Variants in ARL10 observed in about 807,000 individuals in gnomAD.
ARL10 encodes ARF like GTPase 10.
A neutral mutation model predicts 26.1 loss-of-function variants in ARL10; 23 were observed. That is an observed-to-expected ratio of 0.88 (90% CI 0.63 to 1.25). The LOEUF (loss-of-function observed/expected upper bound fraction) is 1.25, where lower values mean the gene tolerates loss of function less well. Ranked by LOEUF, ARL10 falls within the 50% of genes most tolerant of loss-of-function variation. The pLI is 0.00. For missense variants in ARL10, 300 were observed against 323.6 expected (o/e 0.93, Z 0.56); for synonymous variants, 138 against 149.1 (o/e 0.93, Z 0.54).
chr5:176,407,246 C>T, the ARL10 span, among the ~76,000 whole-genome samples: 4 of 152,290 alleles, frequency 2.6e-5, no homozygotes, highest in African/African-American at 9.6e-5. Context: ...CACCACTTCA[C>T]CTCTCTGAGC....
chr5:176,384,458 G>T, downstream of ARL10: 1 of 1,371,256 alleles, frequency 7.3e-7, no homozygotes, highest in Non-Finnish European at 1.0e-6. Context: ...CAAGCCACTT[G>T]CTATCTATCC....
downstream of ARL10, chr5:176,406,701 T>C: frequency 7.8e-7 from 1 of 1,285,930 alleles, no homozygotes. Flanking sequence ...CCGCTGGTGG[T>C]GCACGGGCTG....
At chr5:176,406,660 G>A (rs967018000), downstream of ARL10, 7 of 1,289,222 alleles carry the variant, frequency 5.4e-6, no homozygotes, top group African/African-American at 9.1e-5. Flanking sequence ...TCGTCCTTAG[G>A]CTGTATTGGC....
chr5:176,388,772 G>C (rs774898452), downstream of ARL10: 2 of 1,596,006 alleles, frequency 1.3e-6, no homozygotes, highest in South Asian at 2.2e-5. Context: ...CCTTCACCGG[G>C]AGGCTGAGGT....
At chr5:176,388,554 C>A (rs774094666) in exon 2 of ARL10, 5 of 1,601,002 alleles carry the variant, frequency 3.1e-6, no homozygotes, top group East Asian at 2.2e-5. Flanking sequence ...CTGACCACCG[C>A]ACCAGCAGCT....
rs1035800504 is a variant in ARL10, at chr5:176,374,516, A to G, written c.*2621A>G. On this transcript the variant is annotated 3_prime_UTR_variant, in exon 4 of 4. Transcript: ENST00000310389. The stretch of plus-strand genomic sequence containing the variant: ...GATGGCTATCAGGAGTGTAATACCA[A>G]GAAACTGGAATGCATCCCTTAATAT... 6.6e-6 allele frequency: 1 copy of G among 152,238 alleles called. No homozygotes were observed. The highest frequency in any genetic ancestry group is 1.5e-5 in the Non-Finnish European group (1 of 68,044). The allele number at this position is 152,238 out of a possible 1,614,324, so 9.4% of individuals were successfully genotyped here.
downstream of ARL10, chr5:176,392,979 G>A: frequency 6.2e-7 from 1 of 1,612,900 alleles, no homozygotes; most frequent in South Asian, 1.1e-5. This position sits in a 1 kb window ranked among gnomAD's most constrained non-coding sequence, Gnocchi z 5.2. Context: ...TTTTATAGCA[G>A]TCTGCTTTCC....
chr5:176,370,936 C>T (rs1386205727), intron 3 of ARL10, among the ~76,000 whole-genome samples: 1 of 152,222 alleles, frequency 6.6e-6, no homozygotes, highest in Non-Finnish European at 1.5e-5. Context: ...TGAGTTGGCA[C>T]CTGGCTCTAC....
rs1472913861 is a variant in ARL10, at chr5:176,381,868, T to A, written c.*9973T>A. 2.6e-5 allele frequency: 4 copies of A among 152,156 alleles called. No homozygotes were observed. The highest frequency in any genetic ancestry group is 9.7e-5 in the African/African-American group (4 of 41,430). The allele number at this position is 152,156 out of a possible 1,614,324, so 9.4% of individuals were successfully genotyped here. On this transcript the variant is annotated 3_prime_UTR_variant, in exon 4 of 4. Transcript: ENST00000310389. ...ATTGTACAATTTTTAAAGTCCCCAG[T>A]TGTGGGAGGTGAACTTGAAGAATAA... is the stretch of plus-strand genomic sequence containing the variant.
chr5:176,397,582 C>A, intron 1 of ARL10: 1 of 1,549,972 alleles, frequency 6.5e-7, no homozygotes, highest in Non-Finnish European at 8.8e-7. Context: ...CCCATGGCCC[C>A]CTCATGTCCC....
At position 176,393,901 on chromosome 5, in the gene ARL10, G is replaced by A. The variant is rs954806653; in HGVS notation, c.134-7840G>A. 2.0e-5 allele frequency among the ~76,000 whole-genome samples: 3 copies of A among 152,260 alleles called. No homozygotes were observed. The East Asian group carries it at 5.8e-4, about 29-fold the overall frequency. ...ATGTCCTGTTTGGCCAGCGAGGGTC[G>A]CTCACAAGTCCCTGGAAGCCCCCTC... On this transcript the variant is annotated intron_variant, in intron 1 of 1. Coordinates refer to the ARL10 transcript ENST00000514533. The surrounding 1 kb of genome is among the most constrained non-coding windows in gnomAD (Gnocchi z 4.4).
chr5:176,404,116 C>T (rs564656562), downstream of ARL10, among the ~76,000 whole-genome samples: 1 of 152,342 alleles, frequency 6.6e-6, no homozygotes, highest in Non-Finnish European at 1.5e-5. Flanking sequence ...CAAGGTCACC[C>T]AGCCAGGAAG....
chr5:176,395,691 CAT>C (rs1236843187), intron 1 of ARL10, among the ~76,000 whole-genome samples: 8 of 152,070 alleles, frequency 5.3e-5, no homozygotes, highest in Admixed American at 2.0e-4. Flanking sequence ...AAACCTGAAA[CAT>C]GTGAGGGGGC....
At chr5:176,386,530 A>T, downstream of ARL10, 1 of 423,190 alleles carries the variant, frequency 2.4e-6, no homozygotes, top group Admixed American at 3.5e-5. Context: ...AAATCAGTTC[A>T]TCCTTAAATT....
downstream of ARL10, among the ~76,000 whole-genome samples, chr5:176,391,665 G>A (rs559834959): frequency 1.3e-5 from 2 of 152,292 alleles, no homozygotes; most frequent in East Asian, 1.9e-4. Context: ...TACCTAGAAG[G>A]CAATGTGCAA....
downstream of ARL10, among the ~76,000 whole-genome samples, chr5:176,382,782 G>A (rs1755584064): frequency 1.3e-5 from 2 of 152,126 alleles, no homozygotes; most frequent in African/African-American, 2.4e-5. Flanking sequence ...AGACACACAT[G>A]GCCTAGGGGT....
intron 1 of ARL10, among the ~76,000 whole-genome samples, chr5:176,396,842 TGAGTCCACAG>T (rs1561792058): frequency 6.6e-6 from 1 of 152,156 alleles, no homozygotes; most frequent in African/African-American, 2.4e-5. Context: ...CCTTACAGTG[TGAGTCCACAG>T]GTTCCTGCCT....
the ARL10 span, among the ~76,000 whole-genome samples, chr5:176,411,077 A>G: frequency 6.6e-6 from 1 of 152,236 alleles, no homozygotes; most frequent in Non-Finnish European, 1.5e-5. Flanking sequence ...CTGGGAAGAC[A>G]TAACTGTGTC....
At chr5:176,387,423 AAG>A (rs1755955589) in intron 1 of ARL10, among the ~76,000 whole-genome samples, 1 of 152,222 alleles carries the variant, frequency 6.6e-6, no homozygotes, top group Non-Finnish European at 1.5e-5. Flanking sequence ...TGTTCTCAAT[AAG>A]TAGTTAACCT....
Sources: allele counts gnomAD v4.1 joint callset (sites outside exome capture counted in the v4.1 genomes callset), GRCh38; gene constraint gnomAD v4.1.1; non-coding constraint Gnocchi (gnomAD v3.1); transcripts MANE v1.5; gene names NCBI Gene and HGNC (gene_info 2026-07-23, HGNC 2026-07-21).